LINGO2: variants seen among roughly 807,000 people sequenced by gnomAD.
LINGO2 encodes the protein leucine-rich repeat and immunoglobulin-like domain-containing nogo receptor-interacting protein 2.
A neutral mutation model predicts 30.6 loss-of-function variants in LINGO2; 14 were observed. The observed-to-expected ratio is 0.46, with a 90% CI of 0.30 to 0.72. The LOEUF is 0.72. Ranked by LOEUF, LINGO2 falls within the 30% of genes least tolerant of loss-of-function variation. The probability of loss-of-function intolerance (pLI) is 0.07; values close to 1 mark genes in which losing one functional copy is unlikely to be tolerated. For synonymous variants in LINGO2, 317 were observed against 288.5 expected (o/e 1.10, Z -1.00); for missense variants, 729 against 751.7 (o/e 0.97, Z 0.35).
chr9:29,164,692 A>T, the LINGO2 span, among the ~76,000 whole-genome samples: 1 of 152,226 alleles, frequency 6.6e-6, no homozygotes. Flanking sequence ...AACCTGCCTC[A>T]GTCAATTTGT....
At chr9:28,512,055 CAT>C (rs1018346482) in intron 1 of LINGO2, among the ~76,000 whole-genome samples, 3 of 141,774 alleles carry the variant, frequency 2.1e-5, no homozygotes, top group African/African-American at 8.3e-5. Context: ...GCGTGGAGGC[CAT>C]GGGCATTTGA....
chr9:29,188,578 G>C, the LINGO2 span, among the ~76,000 whole-genome samples: 3 of 152,076 alleles, frequency 2.0e-5, no homozygotes, highest in Non-Finnish European at 4.4e-5. Flanking sequence ...CGTTCTCAAT[G>C]AGCTGTTGGG....
intron 1 of LINGO2, among the ~76,000 whole-genome samples, chr9:28,550,258 T>C (rs547895544): frequency 1.3e-5 from 2 of 151,944 alleles, no homozygotes; most frequent in South Asian, 4.1e-4. Flanking sequence ...TGGGATCTTT[T>C]CATTCTCTCA....
At chr9:27,975,590 C>A (rs1360134201) in intron 5 of LINGO2, among the ~76,000 whole-genome samples, 1 of 152,108 alleles carries the variant, frequency 6.6e-6, no homozygotes, top group African/African-American at 2.4e-5. Flanking sequence ...GACCCTACTT[C>A]TTTGAATGCA....
chr9:28,998,254 T>C, the LINGO2 span, among the ~76,000 whole-genome samples: 1 of 152,176 alleles, frequency 6.6e-6, no homozygotes, highest in South Asian at 2.1e-4. Context: ...ACAAGTTACA[T>C]ACTTGAATCA....
At chr9:28,485,514 T>C (rs1300042067) in intron 1 of LINGO2, among the ~76,000 whole-genome samples, 1 of 152,038 alleles carries the variant, frequency 6.6e-6, no homozygotes, top group Non-Finnish European at 1.5e-5. Context: ...GAAAGCTCAT[T>C]ATAGCCTGAA....
the LINGO2 span, among the ~76,000 whole-genome samples, chr9:28,836,913 T>G: frequency 6.6e-6 from 1 of 152,224 alleles, no homozygotes; most frequent in Non-Finnish European, 1.5e-5. Context: ...CTATTTAATA[T>G]GCAAGAAAAA....
intron 4 of LINGO2, among the ~76,000 whole-genome samples, chr9:28,276,929 T>G (rs149351312): frequency 6.6e-6 from 1 of 152,286 alleles, no homozygotes; most frequent in East Asian, 1.9e-4. Context: ...TATGAGTCAG[T>G]AGTGAAAGGA....
intron 4 of LINGO2, among the ~76,000 whole-genome samples, chr9:28,051,886 C>T (rs906260651): frequency 6.6e-6 from 1 of 152,048 alleles, no homozygotes; most frequent in Non-Finnish European, 1.5e-5. Context: ...GCCAGGGACA[C>T]AGCACAGTAG....
chr9:27,947,588 T>A (rs950064931), downstream of LINGO2, among the ~76,000 whole-genome samples: 1 of 152,174 alleles, frequency 6.6e-6, no homozygotes, highest in African/African-American at 2.4e-5. Context: ...GAAGAAACCC[T>A]GAAGTTGTCT....
chr9:28,800,820 T>C, the LINGO2 span, among the ~76,000 whole-genome samples: 18 of 152,234 alleles, frequency 1.2e-4, 2 homozygotes, highest in Middle Eastern at 0.014. Context: ...CTTTTCTAAA[T>C]TAACTGTAAA....
At chr9:28,372,607 ATCTAACTAAT>A (rs6150964) in intron 3 of LINGO2, among the ~76,000 whole-genome samples, 118,617 of 151,474 alleles carry the variant, frequency 0.78, 47,667 homozygotes, top group Middle Eastern at 0.9. Flanking sequence ...AGCATGGTAA[ATCTAACTAAT>A]TCTAACTAAT....
intron 5 of LINGO2, among the ~76,000 whole-genome samples, chr9:27,966,601 A>C (rs999589249): frequency 4.6e-5 from 7 of 152,120 alleles, no homozygotes; most frequent in African/African-American, 1.4e-4. Flanking sequence ...GGAGAGCATT[A>C]GGACAAATAC....
chr9:28,773,372 A>G, the LINGO2 span, among the ~76,000 whole-genome samples: 1 of 151,738 alleles, frequency 6.6e-6, no homozygotes, highest in Non-Finnish European at 1.5e-5. Flanking sequence ...CTCAGAAAAA[A>G]AAAAAAAAAG....
At chr9:28,884,937 ATAATATATATAATAT>A in the LINGO2 span, among the ~76,000 whole-genome samples, 231 of 15,034 alleles carry the variant, frequency 0.015, no homozygotes, top group African/African-American at 0.037. Context: ...AATATTATAT[ATAATATATATAATAT>A]ATAATATTTT....
At chr9:28,669,301 A>G (rs2136038793) in intron 1 of LINGO2, among the ~76,000 whole-genome samples, 1 of 152,130 alleles carries the variant, frequency 6.6e-6, no homozygotes, top group East Asian at 1.9e-4. Flanking sequence ...CTTTTTAGAA[A>G]ACTTCTTTTT....
the LINGO2 span, among the ~76,000 whole-genome samples, chr9:28,989,625 G>A: frequency 3.9e-5 from 6 of 151,994 alleles, no homozygotes; most frequent in African/African-American, 1.2e-4. Context: ...ACACGTAATT[G>A]TTATTATATA....
At chr9:29,123,749 C>A in the LINGO2 span, among the ~76,000 whole-genome samples, 1 of 151,884 alleles carries the variant, frequency 6.6e-6, no homozygotes, top group African/African-American at 2.4e-5. Context: ...TAACAATGAA[C>A]ATAAAACTAA....
At chr9:28,252,189 A>G (rs1390605014) in intron 4 of LINGO2, among the ~76,000 whole-genome samples, 1 of 152,184 alleles carries the variant, frequency 6.6e-6, no homozygotes, top group Non-Finnish European at 1.5e-5. Flanking sequence ...AAAGATCATT[A>G]CATAAATGGA....
Sources: allele counts gnomAD v4.1 joint callset (sites outside exome capture counted in the v4.1 genomes callset), GRCh38; gene constraint gnomAD v4.1.1; transcripts MANE v1.5; gene names NCBI Gene and HGNC (gene_info 2026-07-23, HGNC 2026-07-21).